The following RNF180 variants were observed in gnomAD, a reference collection of about 807,000 sequenced individuals.
The protein encoded by RNF180 is ring finger protein 180.
A neutral mutation model predicts 59.2 loss-of-function variants in RNF180; 38 were observed. The ratio of observed to expected loss-of-function variants is 0.64; its 90% CI spans 0.50 to 0.84. RNF180 has a LOEUF of 0.84. Ranked by LOEUF, RNF180 falls within the 40% of genes least tolerant of loss-of-function variation. The pLI, the probability that RNF180 is intolerant of heterozygous loss-of-function variation, is 0.00. For synonymous variants in RNF180, 262 were observed against 240.3 expected, an observed-to-expected ratio of 1.09 and a Z score of -0.84; for missense variants, 705 against 700.9, an observed-to-expected ratio of 1.01 and a Z score of -0.07.
chr5:64,184,568 A>G (rs1395558926), intron 1 of RNF180, among the ~76,000 whole-genome samples: 4 of 152,152 alleles, frequency 2.6e-5, no homozygotes, highest in Non-Finnish European at 5.9e-5. Flanking sequence ...TAACTGCTTG[A>G]TTGGATTCTT....
intron 5 of RNF180, among the ~76,000 whole-genome samples, chr5:64,295,759 A>G (rs76680314): frequency 1.3e-3 from 196 of 152,294 alleles, no homozygotes; most frequent in Non-Finnish European, 2.5e-3. Context: ...GTGTTTCTCT[A>G]GAGTCTTGCT....
At chr5:64,212,555 C>G (rs1460227165) in intron 3 of RNF180, among the ~76,000 whole-genome samples, 1 of 151,986 alleles carries the variant, frequency 6.6e-6, no homozygotes, top group Non-Finnish European at 1.5e-5. Flanking sequence ...ATTTGTATTT[C>G]CCAGCACCAA....
At chr5:64,285,506 TG>T (rs968015710) in intron 5 of RNF180, among the ~76,000 whole-genome samples, 7 of 151,674 alleles carry the variant, frequency 4.6e-5, no homozygotes, top group African/African-American at 1.7e-4. Context: ...TAGGTTGCAG[TG>T]GGGGTAGACC....
intron 7 of RNF180, among the ~76,000 whole-genome samples, chr5:64,362,233 C>T (rs1476780940): frequency 6.6e-6 from 1 of 151,596 alleles, no homozygotes; most frequent in Non-Finnish European, 1.5e-5. Context: ...TCCTCTCCCT[C>T]CTCCCACCCT....
In RNF180 at chr5:64,372,231, G is replaced by A. The variant is rs1746682404; in HGVS notation, c.*2417G>A. ...TGAGGTATATTTCTGAATAGTTTCAGCAGGTTATTTTTTAATTTTAAAAAA... is the reference window on the plus strand; with the variant it reads ...TGAGGTATATTTCTGAATAGTTTCAACAGGTTATTTTTTAATTTTAAAAAA... On this transcript the variant is annotated 3_prime_UTR_variant, in exon 8 of 8. Transcript: ENST00000389100. 6.6e-6 allele frequency: 1 copy of A among 151,572 alleles called. No individual in the cohort carries two copies. Among genetic ancestry groups the A allele is most frequent in the Non-Finnish European group, 1.5e-5 (1 of 67,780 alleles). The allele number at this position is 151,572 out of a possible 1,614,324, so 9.4% of individuals were successfully genotyped here. A position where few individuals can be genotyped will look rare whatever the true frequency, so the allele number is the denominator to read the frequency against.
At chr5:64,322,584 T>C (rs1744415246) in intron 5 of RNF180, among the ~76,000 whole-genome samples, 1 of 148,482 alleles carries the variant, frequency 6.7e-6, no homozygotes, top group African/African-American at 2.5e-5. Flanking sequence ...TATATATATA[T>C]AACGGAATAT....
intron 5 of RNF180, among the ~76,000 whole-genome samples, chr5:64,258,147 G>A (rs1229768081): frequency 6.6e-6 from 1 of 152,132 alleles, no homozygotes; most frequent in Non-Finnish European, 1.5e-5. Flanking sequence ...GAGAGTGTAT[G>A]GCCTTCCAGG....
chr5:64,288,413 A>G (rs890590308), intron 5 of RNF180, among the ~76,000 whole-genome samples: 2 of 152,184 alleles, frequency 1.3e-5, no homozygotes, highest in Non-Finnish European at 2.9e-5. Context: ...GAATTTTTAA[A>G]TAGTTTCTTC....
chr5:64,327,402 T>G (rs1744695618), intron 6 of RNF180, among the ~76,000 whole-genome samples: 1 of 152,164 alleles, frequency 6.6e-6, no homozygotes, highest in Non-Finnish European at 1.5e-5. Flanking sequence ...ATCCTTCTAG[T>G]GCTTTGATGT....
chr5:64,172,191 C>A (rs759062600), intron 1 of RNF180, among the ~76,000 whole-genome samples: 1 of 152,102 alleles, frequency 6.6e-6, no homozygotes, highest in Non-Finnish European at 1.5e-5. Context: ...TGACTGTTAG[C>A]GTAAATGCTG....
chr5:64,271,949 GA>G (rs1271420613), intron 5 of RNF180, among the ~76,000 whole-genome samples: 1 of 151,916 alleles, frequency 6.6e-6, no homozygotes, highest in Non-Finnish European at 1.5e-5. Context: ...AGTCAAAGAA[GA>G]AAATCAGAAT....
chr5:64,212,201 C>A, intron 3 of RNF180, 41 bp downstream of exon 3: 1 of 1,175,724 alleles, frequency 8.5e-7, no homozygotes, highest in Non-Finnish European at 1.3e-6. Flanking sequence ...AATATACAAC[C>A]TTCAGAATGT....
chr5:64,217,841 C>G (rs1476407732), intron 5 of RNF180: 1 of 152,028 alleles, frequency 6.6e-6, no homozygotes, highest in Non-Finnish European at 1.5e-5. Context: ...GCCTGTAGTC[C>G]TAGCTACTTG....
At chr5:64,304,123 A>G (rs1339565173) in intron 5 of RNF180, among the ~76,000 whole-genome samples, 1 of 150,966 alleles carries the variant, frequency 6.6e-6, no homozygotes, top group Non-Finnish European at 1.5e-5. Context: ...CACTATTGAG[A>G]TCTCCTTCCC....
intron 6 of RNF180, among the ~76,000 whole-genome samples, chr5:64,326,120 G>A (rs1174272433): frequency 1.3e-5 from 2 of 152,084 alleles, no homozygotes; most frequent in East Asian, 3.9e-4. Flanking sequence ...ATCTGAGTAT[G>A]TACTACATTA....
At chr5:64,244,211 G>A (rs1163813348) in intron 5 of RNF180, among the ~76,000 whole-genome samples, 1 of 152,158 alleles carries the variant, frequency 6.6e-6, no homozygotes, top group Non-Finnish European at 1.5e-5. Flanking sequence ...CTCCTTACCA[G>A]CAAGGGAACA....
At chr5:64,193,246 C>T (rs992727132) in intron 1 of RNF180, among the ~76,000 whole-genome samples, 26 of 151,840 alleles carry the variant, frequency 1.7e-4, no homozygotes, top group Admixed American at 1.1e-3. Context: ...CAGTATTATG[C>T]ACTTTAAAAT....
chr5:64,331,978 G>C (rs947746932), intron 7 of RNF180, among the ~76,000 whole-genome samples: 57 of 152,104 alleles, frequency 3.7e-4, no homozygotes, highest in African/African-American at 6.7e-4. Flanking sequence ...GCCACACACA[G>C]AGCCAACACC....
intron 7 of RNF180, among the ~76,000 whole-genome samples, chr5:64,346,787 C>A (rs1745578295): frequency 6.6e-6 from 1 of 152,078 alleles, no homozygotes; most frequent in African/African-American, 2.4e-5. Flanking sequence ...TTATTTAAAG[C>A]TCCCCAGATG....
Sources: gnomAD v4.1 joint callset for allele counts (sites outside exome capture counted in the v4.1 genomes callset) on GRCh38, gnomAD v4.1.1 for gene constraint, MANE v1.5 for transcripts, NCBI Gene and HGNC (gene_info 2026-07-23, HGNC 2026-07-21) for gene names.